CNTNAP5: variants seen among roughly 807,000 people sequenced by gnomAD.
CNTNAP5 encodes contactin-associated protein-like 5.
Under a neutral mutation model 150.2 loss-of-function variants are expected in CNTNAP5, and 72 were observed. That is an observed-to-expected ratio of 0.48 (90% CI 0.40 to 0.58). CNTNAP5 has a LOEUF of 0.58. Ranked by LOEUF, CNTNAP5 falls within the 20% of genes least tolerant of loss-of-function variation. CNTNAP5 has a pLI of 0.00. For missense variants in CNTNAP5, 1,636 were observed against 1,626.2 expected, an observed-to-expected ratio of 1.01 and a Z score of -0.10; for synonymous variants, 672 against 619.8, an observed-to-expected ratio of 1.08 and a Z score of -1.25.
At chr2:124,271,040 C>T (rs1157860269) in intron 3 of CNTNAP5, among the ~76,000 whole-genome samples, 2 of 151,880 alleles carry the variant, frequency 1.3e-5, no homozygotes, top group African/African-American at 2.4e-5. Context: ...GGTCTGGGCC[C>T]GTGTAGAACC....
chr2:124,744,361 A>G (rs1350168334), intron 13 of CNTNAP5, among the ~76,000 whole-genome samples: 1 of 152,124 alleles, frequency 6.6e-6, no homozygotes, highest in Non-Finnish European at 1.5e-5. Context: ...TTGTGAGTCC[A>G]TTAATCCTCT....
At chr2:124,395,832 T>C (rs757346787) in intron 3 of CNTNAP5, among the ~76,000 whole-genome samples, 10 of 152,106 alleles carry the variant, frequency 6.6e-5, no homozygotes, top group Non-Finnish European at 1.3e-4. Context: ...TCTTGAGAAA[T>C]GCACTCTGGT....
intron 3 of CNTNAP5, among the ~76,000 whole-genome samples, chr2:124,337,402 CT>C (rs1315609990): frequency 6.6e-6 from 1 of 152,140 alleles, no homozygotes; most frequent in Non-Finnish European, 1.5e-5. Context: ...TCAATTTTGG[CT>C]TTTGTTGCCA....
intron 17 of CNTNAP5, among the ~76,000 whole-genome samples, chr2:124,782,109 T>A (rs1409274622): frequency 6.6e-6 from 1 of 151,780 alleles, no homozygotes; most frequent in Non-Finnish European, 1.5e-5. Flanking sequence ...AGCCTGCAGT[T>A]TTCCCCTTTC....
chr2:124,413,574 C>G (rs1033520863), intron 3 of CNTNAP5, among the ~76,000 whole-genome samples: 2 of 133,324 alleles, frequency 1.5e-5, no homozygotes, highest in African/African-American at 5.8e-5. Context: ...AGTTCATGTC[C>G]TTTGTAGGGA....
At chr2:124,734,892 A>G (rs1680350729) in intron 13 of CNTNAP5, among the ~76,000 whole-genome samples, 1 of 152,178 alleles carries the variant, frequency 6.6e-6, no homozygotes, top group South Asian at 2.1e-4. Context: ...ATAAAGTTCA[A>G]ACCTTGTAAT....
intron 3 of CNTNAP5, among the ~76,000 whole-genome samples, chr2:124,371,616 G>C (rs1411661733): frequency 6.6e-6 from 1 of 152,024 alleles, no homozygotes; most frequent in Non-Finnish European, 1.5e-5. Context: ...CCTAAATTTT[G>C]GGGACTCTTG....
intron 2 of CNTNAP5, among the ~76,000 whole-genome samples, chr2:124,230,801 A>C (rs1318676408): frequency 6.6e-6 from 1 of 152,004 alleles, no homozygotes. Context: ...CAAAGTGCTG[A>C]TATTACAGGC....
At chr2:124,285,419 C>A (rs900287929) in intron 3 of CNTNAP5, among the ~76,000 whole-genome samples, 3 of 152,126 alleles carry the variant, frequency 2.0e-5, no homozygotes, top group African/African-American at 4.8e-5. Flanking sequence ...TATATGGAGT[C>A]ATTTAAATTG....
intron 1 of CNTNAP5, among the ~76,000 whole-genome samples, chr2:124,140,089 A>G (rs1199402375): frequency 6.6e-6 from 1 of 151,842 alleles, no homozygotes; most frequent in African/African-American, 2.4e-5. Context: ...ACCGGCTTAA[A>G]AAACGGCGCA....
At chr2:124,325,203 T>A (rs563214061) in intron 3 of CNTNAP5, among the ~76,000 whole-genome samples, 1 of 152,176 alleles carries the variant, frequency 6.6e-6, no homozygotes, top group Non-Finnish European at 1.5e-5. Flanking sequence ...AAGAACATAG[T>A]CAGAAGGCAC....
chr2:124,200,931 C>A (rs1280302395), intron 1 of CNTNAP5, among the ~76,000 whole-genome samples: 1 of 152,156 alleles, frequency 6.6e-6, no homozygotes, highest in Non-Finnish European at 1.5e-5. Context: ...CAGGCCAAAT[C>A]ACCTCTAAGA....
intron 13 of CNTNAP5, among the ~76,000 whole-genome samples, chr2:124,667,743 CTCTT>C (rs2105053141): frequency 6.6e-6 from 1 of 152,350 alleles, no homozygotes; most frequent in East Asian, 1.9e-4. Flanking sequence ...TATTCTCTCT[CTCTT>C]ATTTTTTCTT....
At chr2:124,708,065 A>T (rs1369961175) in intron 13 of CNTNAP5, among the ~76,000 whole-genome samples, 2 of 152,220 alleles carry the variant, frequency 1.3e-5, no homozygotes, top group Non-Finnish European at 2.9e-5. Context: ...TTTCTAAATC[A>T]TTTGAGTATT....
At chr2:124,363,995 C>T (rs1171396617) in intron 3 of CNTNAP5, among the ~76,000 whole-genome samples, 1 of 152,194 alleles carries the variant, frequency 6.6e-6, no homozygotes, top group African/African-American at 2.4e-5. Context: ...ACTATTGTCA[C>T]TTCAGAAGCC....
At chr2:124,496,444 T>C (rs1044693412) in intron 7 of CNTNAP5, among the ~76,000 whole-genome samples, 8 of 152,218 alleles carry the variant, frequency 5.3e-5, no homozygotes, top group African/African-American at 1.7e-4. Flanking sequence ...TTGGCTTTGT[T>C]TGATGCCTCA....
intron 10 of CNTNAP5, among the ~76,000 whole-genome samples, chr2:124,539,532 C>T (rs1241428477): frequency 1.3e-5 from 2 of 152,174 alleles, no homozygotes; most frequent in Non-Finnish European, 2.9e-5. Context: ...CAATCTTGGA[C>T]ACAATGAATA....
At position 124,914,074 on chromosome 2, in the gene CNTNAP5, C is replaced by T; in HGVS notation, c.3728-18C>T. 6.3e-7 allele frequency: 1 copy of T among 1,591,174 alleles called. No individual in the cohort carries two copies. ...TCATGACGATTTCCTTCTCTCTTTC[C>T]TTCCCCTTTCTCTCCAGGGGTGATA... On this transcript the variant is annotated intron_variant, in intron 23 of 23. Coordinates refer to ENST00000682447, the MANE Select transcript of CNTNAP5 (RefSeq NM_001367498.1).
intron 7 of CNTNAP5, among the ~76,000 whole-genome samples, chr2:124,479,993 A>T (rs1693729476): frequency 6.6e-6 from 1 of 152,198 alleles, no homozygotes; most frequent in Non-Finnish European, 1.5e-5. Context: ...AGCTATTAAT[A>T]AAAACATCTA....
Sources: gnomAD v4.1 joint callset for allele counts (sites outside exome capture counted in the v4.1 genomes callset) on GRCh38, gnomAD v4.1.1 for gene constraint, MANE v1.5 for transcripts, NCBI Gene and HGNC (gene_info 2026-07-23, HGNC 2026-07-21) for gene names.